DSCAM: variants seen among roughly 807,000 people sequenced by gnomAD.
DSCAM encodes cell adhesion molecule DSCAM.
DSCAM carries 47 observed loss-of-function variants against 217.7 expected under a neutral mutation model. That is an observed-to-expected ratio of 0.22 (90% CI 0.17 to 0.28). The LOEUF (loss-of-function observed/expected upper bound fraction) is 0.28. DSCAM is among the 10% of genes least tolerant of loss of function. DSCAM has a pLI of 1.00. For missense variants in DSCAM, 2,080 were observed against 2,618.3 expected (o/e 0.79, Z 4.49); for synonymous variants, 1,056 against 1,015.3 (o/e 1.04, Z -0.76).
At chr21:40,676,879 C>T (rs142123144) in intron 3 of DSCAM, among the ~76,000 whole-genome samples, 5 of 152,190 alleles carry the variant, frequency 3.3e-5, no homozygotes, top group South Asian at 4.1e-4. Context: ...ACTGTGGAAA[C>T]GAGTCACGTG....
intron 1 of DSCAM, among the ~76,000 whole-genome samples, chr21:40,713,312 T>C (rs1174400354): frequency 6.6e-6 from 1 of 152,178 alleles, no homozygotes; most frequent in African/African-American, 2.4e-5. Flanking sequence ...AGTTTATCAG[T>C]ATAAACACAG....
intron 1 of DSCAM, among the ~76,000 whole-genome samples, chr21:40,721,732 A>T (rs2090902772): frequency 6.6e-6 from 1 of 152,140 alleles, no homozygotes; most frequent in South Asian, 2.1e-4. Context: ...TCTAGGATGA[A>T]AATGAGATAC....
At chr21:40,039,705 T>C (rs2088708090) in intron 32 of DSCAM, among the ~76,000 whole-genome samples, 1 of 152,168 alleles carries the variant, frequency 6.6e-6, no homozygotes, top group African/African-American at 2.4e-5. Context: ...TGAAGATAAC[T>C]AAGACATATT....
At chr21:40,316,934 CTT>C (rs1421351435) in intron 8 of DSCAM, among the ~76,000 whole-genome samples, 2 of 152,146 alleles carry the variant, frequency 1.3e-5, no homozygotes, top group Non-Finnish European at 2.9e-5. Context: ...GCGTATAAGA[CTT>C]TGATAAAATC....
intron 21 of DSCAM, among the ~76,000 whole-genome samples, chr21:40,091,272 C>T (rs2089606037): frequency 6.6e-6 from 1 of 152,192 alleles, no homozygotes; most frequent in African/African-American, 2.4e-5. Flanking sequence ...CCTACACCAT[C>T]TCCTTATTTC....
chr21:40,380,490 C>G (rs138539643), intron 3 of DSCAM, among the ~76,000 whole-genome samples: 30 of 152,182 alleles, frequency 2.0e-4, no homozygotes, highest in African/African-American at 7.0e-4. Flanking sequence ...AGTACATTGA[C>G]AAAGAAAATA....
At chr21:40,727,025 A>C (rs2090962937) in intron 1 of DSCAM, among the ~76,000 whole-genome samples, 1 of 152,172 alleles carries the variant, frequency 6.6e-6, no homozygotes. Context: ...TAGCCTCCAT[A>C]ATTGGAGGAA....
intron 9 of DSCAM, 41 bp downstream of exon 9, chr21:40,312,040 C>T: frequency 7.3e-7 from 1 of 1,362,618 alleles, no homozygotes; most frequent in Non-Finnish European, 9.8e-7. Context: ...ATTGTTAAAT[C>T]AACTCTACAG....
chr21:40,390,329 G>A (rs531586785), intron 3 of DSCAM, among the ~76,000 whole-genome samples: 9 of 152,296 alleles, frequency 5.9e-5, no homozygotes, highest in East Asian at 3.9e-4. Context: ...AGATGGATCC[G>A]TAATAGCCAA....
chr21:40,470,782 G>A (rs2075881977), intron 3 of DSCAM, among the ~76,000 whole-genome samples: 1 of 152,090 alleles, frequency 6.6e-6, no homozygotes, highest in Non-Finnish European at 1.5e-5. Flanking sequence ...TTGAACTCCT[G>A]GACTAAAGGG....
intron 18 of DSCAM, among the ~76,000 whole-genome samples, chr21:40,137,828 T>A (rs975896088): frequency 6.6e-6 from 1 of 152,208 alleles, no homozygotes; most frequent in Admixed American, 6.5e-5. Flanking sequence ...GGTGCGGGAA[T>A]AGCTTCTGAA....
chr21:40,351,127 C>T (rs1198087092), intron 5 of DSCAM, among the ~76,000 whole-genome samples: 5 of 152,012 alleles, frequency 3.3e-5, no homozygotes, highest in African/African-American at 1.2e-4. Context: ...TCATTGAAGA[C>T]ATTACACATG....
At chr21:40,771,883 T>C (rs1215630319) in intron 1 of DSCAM, among the ~76,000 whole-genome samples, 1 of 151,866 alleles carries the variant, frequency 6.6e-6, no homozygotes, top group Non-Finnish European at 1.5e-5. Flanking sequence ...TCAGGGAACG[T>C]GCGTATGTCG....
chr21:40,328,988 G>A (rs1397931752), intron 8 of DSCAM, among the ~76,000 whole-genome samples: 1 of 152,106 alleles, frequency 6.6e-6, no homozygotes, highest in Non-Finnish European at 1.5e-5. Context: ...TGTTAGAATG[G>A]CTATTATAAA....
intron 3 of DSCAM, among the ~76,000 whole-genome samples, chr21:40,444,143 C>T (rs893932655): frequency 1.3e-5 from 2 of 151,998 alleles, no homozygotes; most frequent in Non-Finnish European, 2.9e-5. Flanking sequence ...AAAACATGTT[C>T]AAGAGAGGAT....
chr21:40,209,144 C>T (rs2091156981), intron 11 of DSCAM, among the ~76,000 whole-genome samples: 1 of 152,176 alleles, frequency 6.6e-6, no homozygotes, highest in African/African-American at 2.4e-5. Context: ...CCACTTGGGA[C>T]TCTCAGAGCT....
chr21:40,040,452 C>CTG (rs1412645003), intron 32 of DSCAM, among the ~76,000 whole-genome samples: 1 of 152,192 alleles, frequency 6.6e-6, no homozygotes, highest in African/African-American at 2.4e-5. Context: ...GAAGCTCATT[C>CTG]TGTGCCCTAA....
intron 3 of DSCAM, among the ~76,000 whole-genome samples, chr21:40,675,238 C>T (rs1480782644): frequency 1.3e-5 from 2 of 152,122 alleles, no homozygotes; most frequent in Non-Finnish European, 2.9e-5. Flanking sequence ...TATGGTAGCA[C>T]ACTTTCATCT....
intron 3 of DSCAM, among the ~76,000 whole-genome samples, chr21:40,621,695 C>A (rs557419841): frequency 9.3e-4 from 141 of 152,066 alleles, no homozygotes; most frequent in Non-Finnish European, 1.5e-3. Context: ...GCCACCCATT[C>A]ATCTATATCT....
Sources: allele counts gnomAD v4.1 joint callset (sites outside exome capture counted in the v4.1 genomes callset), GRCh38; gene constraint gnomAD v4.1.1; transcripts MANE v1.5; gene names NCBI Gene and HGNC (gene_info 2026-07-23, HGNC 2026-07-21).